The following NAPSA variants were observed in gnomAD, a reference collection of about 807,000 sequenced individuals.
NAPSA encodes napsin-A.
A neutral mutation model predicts 36.7 loss-of-function variants in NAPSA; 37 were observed. The observed-to-expected ratio is 1.01, with a 90% CI of 0.78 to 1.33. The LOEUF is 1.33. NAPSA is among the 40% of genes most tolerant of loss of function. The pLI, the probability that NAPSA is intolerant of heterozygous loss-of-function variation, is 0.00. For synonymous variants in NAPSA, 222 were observed against 234.5 expected, an observed-to-expected ratio of 0.95 and a Z score of 0.49; for missense variants, 532 against 543.8, an observed-to-expected ratio of 0.98 and a Z score of 0.21.
rs756620162 is a variant in NAPSA at position 50,359,855 on chromosome 19, C to T, written c.676G>A (p.Glu226Lys). ...ACCAGCTCTCCTCCATCAGGCTCTT[C>T]AGGGTCCCTGCAGGGGCAGAGTGTA... ...VFSFYLNRDPEEPDGGELVLG... is the reference protein window; with the variant it reads ...VFSFYLNRDPKEPDGGELVLG... The change falls in exon 6 of 9, where the codon GAA (glutamate) becomes AAA (lysine). Residue 226 changes from glutamate to lysine, a missense_variant. Physicochemically the swap from Glu to Lys is moderately conservative, Grantham distance 56. Around this residue, in one of 3 missense-constraint regions of NAPSA, gnomAD observed 385 missense variants for 371.5 expected, o/e 1.04. Coordinates refer to ENST00000253719, the MANE Select transcript of NAPSA (RefSeq NM_004851.3). 8.1e-6 allele frequency: 13 copies of T among 1,613,918 alleles called. No homozygotes were observed. Among genetic ancestry groups the T allele is most frequent in the Non-Finnish European group, 5.1e-6 (6 of 1,179,916 alleles).
chr19:50,363,613 A>C (rs1202811155), intron 1 of NAPSA, among the ~76,000 whole-genome samples: 1 of 151,716 alleles, frequency 6.6e-6, no homozygotes, highest in Non-Finnish European at 1.5e-5. Context: ...CCCAGCCTGG[A>C]GTGCAGTAGC....
intron 5 of NAPSA, among the ~76,000 whole-genome samples, chr19:50,360,538 C>T (rs991372379): frequency 6.6e-6 from 1 of 152,086 alleles, no homozygotes; most frequent in African/African-American, 2.4e-5. Context: ...TGGATTAAAT[C>T]GGGCAATTCC....
chr19:50,368,157 CAAAAAAAAAA>C (rs56938224), upstream of NAPSA, among the ~76,000 whole-genome samples: 2 of 64,188 alleles, frequency 3.1e-5, no homozygotes, highest in African/African-American at 6.3e-5. Context: ...GACTCCCTCT[CAAAAAAAAAA>C]AAAAAAAAAA....
chr19:50,359,471 C>T (rs780862636), intron 7 of NAPSA, 32 bp downstream of exon 7: 1 of 1,613,252 alleles, frequency 6.2e-7, no homozygotes, highest in Non-Finnish European at 8.5e-7. Flanking sequence ...CATCAGCCTT[C>T]CCAGCCCGTA....
At chr19:50,361,575 T>G (rs990312349) in intron 4 of NAPSA, 88 bp downstream of exon 4, 18 of 1,156,482 alleles carry the variant, frequency 1.6e-5, no homozygotes, top group Non-Finnish European at 2.2e-5. Flanking sequence ...CTTGGGAAGC[T>G]CCTCCTCGAG....
rs760759729 is a variant in NAPSA, at chr19:50,359,121, G to A, written c.937-12C>T. ...CACAGGATGATGTACTGGGGGAGAA[G>A]AGGAACTAGTGAAGATGAGAGATTC... On this transcript the variant is annotated splice_polypyrimidine_tract_variant and intron_variant, in intron 7 of 8. Coordinates refer to ENST00000253719, the MANE Select transcript of NAPSA (RefSeq NM_004851.3). 1.2e-6 allele frequency: 2 copies of A among 1,600,976 alleles called. No homozygotes were observed. Among genetic ancestry groups the A allele is most frequent in the African/African-American group, 1.3e-5 (1 of 74,748 alleles).
Position 50,364,384 on chromosome 19 carries a change from G to A in NAPSA, c.83+1155C>T, listed in dbSNP as rs537727550. ...TAATCCCAGCACTTTGCGAGGCTGA[G>A]GTGGGTGGATCACGAGGTCAGGAGA... On this transcript the variant is annotated intron_variant, in intron 1 of 8. Coordinates refer to ENST00000253719, the MANE Select transcript of NAPSA (RefSeq NM_004851.3). Among the ~76,000 whole-genome samples, 9 of 151,498 alleles carry A rather than the reference G, an allele frequency of 5.9e-5. No individual in the cohort carries two copies. The South Asian group carries it at 1.9e-3, about 32-fold the overall frequency.
chr19:50,361,361 C>G (rs2123611580), intron 4 of NAPSA: 1 of 594,584 alleles, frequency 1.7e-6, no homozygotes, highest in South Asian at 2.1e-5. Flanking sequence ...AGCTCCTCCC[C>G]TGCTTGAGAA....
rs2037476279 is a variant in NAPSA, at chr19:50,361,747, G to A, written c.384C>T (p.Ser128=). ...ACTTGGTCCCATTGGCCTGGAAGGA[G>A]CTAGAGGCTTTGGGATCAAATCGGT... ...LHHRFDPKAS[S]SFQANGTKFA... Residue 128 remains serine, a synonymous_variant, in exon 4 of 9, where the codon AGC becomes AGT. Coordinates refer to ENST00000253719, the MANE Select transcript of NAPSA (RefSeq NM_004851.3). 3.1e-6 allele frequency: 5 copies of A among 1,614,048 alleles called. No individual in the cohort carries two copies. The highest frequency in any genetic ancestry group is 1.7e-5 in the Admixed American group (1 of 59,994).
upstream of NAPSA, among the ~76,000 whole-genome samples, chr19:50,366,327 C>T (rs920087070): frequency 1.3e-5 from 2 of 151,950 alleles, no homozygotes; most frequent in East Asian, 1.9e-4. Flanking sequence ...CTAGAACTCC[C>T]GACCTCAGGT....
chr19:50,362,730 G>T (rs1216929253), intron 1 of NAPSA: 3 of 156,332 alleles, frequency 1.9e-5, no homozygotes, highest in African/African-American at 7.2e-5. Context: ...AATCTTAATT[G>T]TCTTGCTGTG....
chr19:50,358,609 T>TGCGAGC lies in NAPSA; in HGVS notation c.1201_1206dup (p.Ala401_Arg402dup), dbSNP rs1568584563. ...CCCCATCCGAGGTCCGCTCCGCGAGTGCGAGCGCGCGCCAGGCCCACCCGG... is the reference window on the plus strand; with the variant it reads ...CCCCATCCGAGGTCCGCTCCGCGAGTGCGAGCGCGAGCGCGCGCCAGGCCCACCCGG... On this transcript the variant is annotated inframe_insertion, in exon 9 of 9. Transcript: ENST00000253719. 24 of 1,611,636 alleles carry TGCGAGC rather than the reference T, an allele frequency of 1.5e-5. No homozygotes were observed. Among genetic ancestry groups the TGCGAGC allele is most frequent in the Non-Finnish European group, 2.0e-5 (24 of 1,179,508 alleles).
intron 3 of NAPSA, 89 bp from the exon 4 acceptor site, chr19:50,361,870 T>A (rs191752567): frequency 6.2e-7 from 1 of 1,602,540 alleles, no homozygotes; most frequent in East Asian, 2.2e-5. Flanking sequence ...GAGGGCATGA[T>A]AAAAGAACAG....
chr19:50,368,653 C>T (rs1326362158), upstream of NAPSA, among the ~76,000 whole-genome samples: 1 of 152,158 alleles, frequency 6.6e-6, no homozygotes, highest in Non-Finnish European at 1.5e-5. Flanking sequence ...TCAACTCGCC[C>T]CGCACGCTTT....
chr19:50,358,725 G>A lies in NAPSA; in HGVS notation c.1091C>T (p.Pro364Leu), dbSNP rs1263317121. ...GATCCAGAAGGGCCCTGCAGGCGGA[G>A]GGACATCCAGGGCCTGGAAACCGGA... The part of the protein sequence containing the change: ...CLSGFQALDV[P>L]PPAGPFWILG... Residue 364 changes from proline (P) to leucine (L), a missense_variant, in exon 9 of 9, where the codon CCT (proline) becomes CTT (leucine). Physicochemically the swap from Pro to Leu is moderately conservative, Grantham distance 98. This residue lies in a region of NAPSA where 385 missense variants were observed against 371.5 expected (regional missense o/e 1.04). Coordinates refer to ENST00000253719, the MANE Select transcript of NAPSA (RefSeq NM_004851.3). 6 of 1,613,402 alleles carry A rather than the reference G, an allele frequency of 3.7e-6. 1 individual carries two copies. In the East Asian group the frequency reaches 1.3e-4, roughly 36 times the overall value.
intron 1 of NAPSA, among the ~76,000 whole-genome samples, chr19:50,364,648 G>T (rs929258897): frequency 2.0e-5 from 3 of 148,726 alleles, no homozygotes; most frequent in Admixed American, 6.8e-5. Context: ...CCTGAGAGGA[G>T]GGGGAGGGGT....
At chr19:50,361,394 G>C in intron 4 of NAPSA, 1 of 579,008 alleles carries the variant, frequency 1.7e-6, no homozygotes, top group African/African-American at 1.9e-5. Flanking sequence ...CACCCAGGAA[G>C]CTCCTCCTCC....
chr19:50,361,239 C>T (rs2037468592), intron 4 of NAPSA, 99 bp from the exon 5 acceptor site: 1 of 1,013,002 alleles, frequency 9.9e-7, no homozygotes, highest in Non-Finnish European at 1.5e-6. Flanking sequence ...GGTCTGGGGA[C>T]TTCTGGATGC....
At chr19:50,368,048 C>T (rs770798956), upstream of NAPSA, among the ~76,000 whole-genome samples, 2 of 151,152 alleles carry the variant, frequency 1.3e-5, no homozygotes, top group African/African-American at 2.4e-5. Context: ...ATCCCAGCTA[C>T]TCGGAAGGCC....
Sources: gnomAD v4.1 joint callset for allele counts (sites outside exome capture counted in the v4.1 genomes callset) on GRCh38, gnomAD v4.1.1 for gene constraint, gnomAD v4.1.1 regional missense constraint, MANE v1.5 for transcripts, NCBI Gene and HGNC (gene_info 2026-07-23, HGNC 2026-07-21) for gene names.